Variants in CCDC102B observed in about 807,000 individuals in gnomAD.
The protein encoded by CCDC102B is coiled-coil domain-containing protein 102B.
Under a neutral mutation model 57.4 loss-of-function variants are expected in CCDC102B, and 75 were observed. The ratio of observed to expected loss-of-function variants is 1.31; its 90% CI spans 1.08 to 1.58. CCDC102B has a LOEUF of 1.58. Among genes scored for constraint, CCDC102B ranks in the 40% most tolerant of loss-of-function variants. The pLI is 0.00. For synonymous variants in CCDC102B, 206 were observed against 201.9 expected (o/e 1.02, Z -0.17); for missense variants, 636 against 582.6 (o/e 1.09, Z -0.94).
chr18:68,915,005 A>G lies in CCDC102B; in HGVS notation c.1263+17577A>G, dbSNP rs28627458. ...AGAGAGAGAGAGAGAGACAGACAGA[A>G]AGAGAGAGAGAGAGAAACGTGAATG... On this transcript the variant is annotated intron_variant, in intron 6 of 7. Coordinates refer to ENST00000360242, the MANE Select transcript of CCDC102B (RefSeq NM_024781.3). Among the ~76,000 whole-genome samples, 679 of 148,266 alleles carry G rather than the reference A, an allele frequency of 4.6e-3. 4 individuals carry two copies. The highest frequency in any genetic ancestry group is 0.016 in the African/African-American group (650 of 40,468).
intron 6 of CCDC102B, among the ~76,000 whole-genome samples, chr18:69,005,343 G>GTA (rs1339102523): frequency 5.9e-5 from 9 of 151,808 alleles, no homozygotes; most frequent in Non-Finnish European, 1.2e-4. Context: ...TATGTTATAT[G>GTA]GTAAATCGTA....
At chr18:68,731,501 T>C (rs937337656) in intron 2 of CCDC102B, among the ~76,000 whole-genome samples, 3 of 152,020 alleles carry the variant, frequency 2.0e-5, no homozygotes, top group Admixed American at 2.0e-4. Flanking sequence ...TCATGGAAAA[T>C]TGATTTTTGA....
At chr18:68,763,908 C>T (rs565557470) in intron 2 of CCDC102B, among the ~76,000 whole-genome samples, 1 of 152,060 alleles carries the variant, frequency 6.6e-6, no homozygotes, top group African/African-American at 2.4e-5. Flanking sequence ...ATAATAATTA[C>T]CCTTTGTTGA....
chr18:68,808,669 A>G lies in CCDC102B; in HGVS notation c.-16+10488A>G, dbSNP rs192285242. Among the ~76,000 whole-genome samples the G allele has an allele frequency of 5.5e-3, 843 of 151,944 alleles. 4 individuals are homozygous for G. Among genetic ancestry groups the G allele is most frequent in the Non-Finnish European group, 7.0e-3 (476 of 67,924 alleles). On this transcript the variant is annotated intron_variant, in intron 1 of 7. Coordinates refer to ENST00000360242, the MANE Select transcript of CCDC102B (RefSeq NM_024781.3). ...ATTTTTTTGTATTTTTAGTAGAGAC[A>G]GGGTTTCACCGTATTAGCCAGGATG...
At chr18:68,945,328 T>C (rs1038504760) in intron 6 of CCDC102B, among the ~76,000 whole-genome samples, 17 of 152,110 alleles carry the variant, frequency 1.1e-4, no homozygotes, top group Non-Finnish European at 2.1e-4. Context: ...TTGTAAGTTC[T>C]CATCAAAAAT....
chr18:68,982,322 G>T (rs917629422), intron 6 of CCDC102B, among the ~76,000 whole-genome samples: 1 of 151,872 alleles, frequency 6.6e-6, no homozygotes, highest in African/African-American at 2.4e-5. Flanking sequence ...GTGGATATAT[G>T]ATAATTTTAT....
At chr18:68,731,997 G>A (rs2032891320) in intron 2 of CCDC102B, among the ~76,000 whole-genome samples, 1 of 146,098 alleles carries the variant, frequency 6.8e-6, no homozygotes, top group African/African-American at 2.5e-5. Flanking sequence ...GCTAAATACT[G>A]ACTATTTTTC....
chr18:68,858,018 A>G (rs1409110946), intron 4 of CCDC102B, among the ~76,000 whole-genome samples: 4 of 152,182 alleles, frequency 2.6e-5, no homozygotes, highest in Admixed American at 2.6e-4. Context: ...GACTTAATCT[A>G]TCTGGGATTC....
chr18:68,827,330 A>G (rs2144755810), intron 1 of CCDC102B, among the ~76,000 whole-genome samples: 1 of 152,252 alleles, frequency 6.6e-6, no homozygotes, highest in African/African-American at 2.4e-5. Flanking sequence ...AAATTATAAA[A>G]TCATTTTATA....
At chr18:68,789,631 A>T (rs1390817838) in intron 2 of CCDC102B, among the ~76,000 whole-genome samples, 3 of 148,170 alleles carry the variant, frequency 2.0e-5, no homozygotes, top group African/African-American at 7.6e-5. Flanking sequence ...TTGGCTCCTG[A>T]GGCTTCTGCA....
intron 2 of CCDC102B, among the ~76,000 whole-genome samples, chr18:68,751,570 G>T (rs943218924): frequency 1.3e-5 from 2 of 152,162 alleles, no homozygotes; most frequent in Non-Finnish European, 2.9e-5. Context: ...AGAAGGCAGA[G>T]CATCACCTTG....
chr18:68,935,661 G>T (rs1402372998), intron 6 of CCDC102B, among the ~76,000 whole-genome samples: 1 of 151,866 alleles, frequency 6.6e-6, no homozygotes, highest in African/African-American at 2.4e-5. Flanking sequence ...AGATGAACAC[G>T]AATTGATAGA....
intron 5 of CCDC102B, among the ~76,000 whole-genome samples, chr18:68,879,342 A>C (rs1440831099): frequency 6.6e-6 from 1 of 152,142 alleles, no homozygotes; most frequent in Non-Finnish European, 1.5e-5. Flanking sequence ...AAAGAACGAA[A>C]GAACAAAGCT....
chr18:68,885,954 A>G (rs1165963263), intron 5 of CCDC102B, among the ~76,000 whole-genome samples: 2 of 152,044 alleles, frequency 1.3e-5, no homozygotes, highest in Non-Finnish European at 2.9e-5. Context: ...ATCGAAAACT[A>G]AGCAAGAAAC....
chr18:69,057,672 G>A (rs147274878), downstream of CCDC102B, among the ~76,000 whole-genome samples: 711 of 152,120 alleles, frequency 4.7e-3, 11 homozygotes, highest in African/African-American at 0.016. Flanking sequence ...AAGTAGCCAC[G>A]TGCATGTATA....
chr18:68,794,564 T>C (rs967532012), upstream of CCDC102B, among the ~76,000 whole-genome samples: 2 of 152,034 alleles, frequency 1.3e-5, no homozygotes, highest in African/African-American at 4.8e-5. Context: ...AGAATGAAAC[T>C]GGAATCCACT....
intron 2 of CCDC102B, among the ~76,000 whole-genome samples, chr18:68,781,109 A>G (rs1466276199): frequency 2.0e-5 from 3 of 152,134 alleles, no homozygotes; most frequent in Non-Finnish European, 4.4e-5. Flanking sequence ...TAGTAACAAC[A>G]TCATGATGTT....
intron 6 of CCDC102B, among the ~76,000 whole-genome samples, chr18:69,009,923 G>GTTTTTT (rs2051457244): frequency 2.6e-5 from 1 of 38,482 alleles, no homozygotes; most frequent in Non-Finnish European, 6.8e-5. Context: ...TTTTAATAAA[G>GTTTTTT]ATTTTTTTTT....
At chr18:68,761,624 G>A (rs2034257123) in intron 2 of CCDC102B, among the ~76,000 whole-genome samples, 1 of 151,708 alleles carries the variant, frequency 6.6e-6, no homozygotes, top group Admixed American at 6.6e-5. Flanking sequence ...CTTCCTTAAC[G>A]CTGGCATAGC....
Sources: gnomAD v4.1 joint callset for allele counts (sites outside exome capture counted in the v4.1 genomes callset) on GRCh38, gnomAD v4.1.1 for gene constraint, MANE v1.5 for transcripts, NCBI Gene and HGNC (gene_info 2026-07-23, HGNC 2026-07-21) for gene names.